The following SCCPDH variants were observed in gnomAD, a reference collection of about 807,000 sequenced individuals.
SCCPDH encodes saccharopine dehydrogenase-like oxidoreductase.
Under a neutral mutation model 51.5 loss-of-function variants are expected in SCCPDH, and 34 were observed. That is an observed-to-expected ratio of 0.66 (90% CI 0.50 to 0.88). SCCPDH has a LOEUF of 0.88. SCCPDH is among the 40% of genes least tolerant of loss of function. The pLI, the probability that SCCPDH is intolerant of heterozygous loss-of-function variation, is 0.00. For synonymous variants in SCCPDH, 187 were observed against 191.3 expected (o/e 0.98, Z 0.19); for missense variants, 464 against 527.1 (o/e 0.88, Z 1.17).
rs567611525 is a variant in SCCPDH, at chr1:246,764,434, T to C, written c.1102+77T>C. ...TAAAGTACAATGCCATTACAATATA[T>C]TCTTTTTAAAGCTTAATTGTTTTAG... On this transcript the variant is annotated intron_variant, in intron 10 of 11. Transcript: ENST00000366510. 2.2e-3 allele frequency: 1,584 copies of C among 713,922 alleles called. 13 individuals carry two copies. The highest frequency in any genetic ancestry group is 0.015 in the South Asian group (686 of 44,822). 44.2% of individuals were successfully genotyped at this position (713,922 alleles called of 1,614,324 possible). A position where few individuals can be genotyped will look rare whatever the true frequency, so the allele number is the denominator to read the frequency against.
intron 5 of SCCPDH, among the ~76,000 whole-genome samples, chr1:246,747,964 G>C (rs1668786490): frequency 6.6e-6 from 1 of 152,142 alleles, no homozygotes; most frequent in Non-Finnish European, 1.5e-5. Context: ...TCTTTGGAGA[G>C]GATCTCAGGA....
rs947339679 is a variant in SCCPDH, at chr1:246,732,486, C to T, written c.304-3489C>T. On this transcript the variant is annotated intron_variant, in intron 2 of 11. Transcript: ENST00000366510. ...CACTGCAACCTCCACCTCCCGGGTT[C>T]AAGCAATTCTCCTGTCTCAGCCTCC... Among the ~76,000 whole-genome samples, 4 of 152,024 alleles carry T rather than the reference C, an allele frequency of 2.6e-5. No individual in the cohort carries two copies. In the South Asian group the frequency reaches 8.3e-4, roughly 32 times the overall value.
chr1:246,744,229 G>A (rs1019733374), intron 5 of SCCPDH, 104 bp downstream of exon 5: 18 of 527,480 alleles, frequency 3.4e-5, no homozygotes, highest in Non-Finnish European at 5.0e-5. Context: ...ATGTGTGAAA[G>A]TCACCATGTT....
rs1668410752 is a variant in SCCPDH, at chr1:246,727,018, CCTT to C, written c.303+18_303+20del. 1 of 1,502,994 alleles carries C rather than the reference CCTT, an allele frequency of 6.7e-7. No homozygotes were observed. Among genetic ancestry groups the C allele is most frequent in the Non-Finnish European group, 9.3e-7 (1 of 1,079,104 alleles). The allele number at this position is 1,502,994 out of a possible 1,614,324, so 93.1% of individuals were successfully genotyped here. The stretch of plus-strand genomic sequence containing the variant: ...TGCGTAGGACCAGTAAGTAATCAAC[CCTT>C]CTTTGTATCAGAACAAACAATCCAT... On this transcript the variant is annotated intron_variant, in intron 2 of 11. Transcript: ENST00000366510.
In SCCPDH at chr1:246,736,016, A is replaced by C; in HGVS notation, c.345A>C (p.Glu115Asp). ...AACCTGTAATAAAAGCATGTATTGA[A>C]AATGGAGCCAGTTGTATCGACATCA... ...YGEPVIKACI[E>D]NGASCIDISG... is the part of the protein sequence containing the mutation. The change falls in exon 3 of 12, where the codon GAA (glutamate) becomes GAC (aspartate). Residue 115 changes from glutamate (E) to aspartate (D), a missense_variant. By Grantham distance (45) the Glu-to-Asp change is conservative (BLOSUM62 2). Coordinates refer to ENST00000366510, the MANE Select transcript of SCCPDH (RefSeq NM_016002.3). 1 of 1,613,290 alleles carries C rather than the reference A, an allele frequency of 6.2e-7. No individual in the cohort carries two copies. Among genetic ancestry groups the C allele is most frequent in the Non-Finnish European group, 8.5e-7 (1 of 1,179,326 alleles).
chr1:246,762,417 C>T lies in SCCPDH; in HGVS notation c.991-1829C>T, dbSNP rs534107631. ...ACTTTTCGTAGCATTCCTACGGTTT[C>T]TTTCTAATCTGTCTTCCCACTGCTG... On this transcript the variant is annotated intron_variant, in intron 9 of 11. Coordinates refer to ENST00000366510, the MANE Select transcript of SCCPDH (RefSeq NM_016002.3). Among the ~76,000 whole-genome samples, 119 of 152,316 alleles carry T rather than the reference C, an allele frequency of 7.8e-4. 3 individuals carry two copies. In the South Asian group the frequency reaches 0.023, roughly 29 times the overall value.
Position 246,739,025 on chromosome 1 carries a change from TTGTG to T in SCCPDH, c.385-1142_385-1139del, listed in dbSNP as rs563225370. Among the ~76,000 whole-genome samples, 216 of 152,152 alleles carry T rather than the reference TTGTG, an allele frequency of 1.4e-3. 1 individual carries two copies. The highest frequency in any genetic ancestry group is 1.8e-3 in the Admixed American group (28 of 15,248). On this transcript the variant is annotated intron_variant, in intron 3 of 11. Transcript: ENST00000366510. The stretch of plus-strand genomic sequence containing the variant: ...ACTATGTTAGTGTGACTTAATGTGT[TTGTG>T]TGTGCATGAGCAAGTGTGTGTGTGT...
chr1:246,739,837 A>G (rs537581141), intron 3 of SCCPDH, among the ~76,000 whole-genome samples: 13 of 151,894 alleles, frequency 8.6e-5, no homozygotes, highest in Non-Finnish European at 1.6e-4. Context: ...GATGATGTTC[A>G]TCTGGGTAAT....
At chr1:246,756,103 A>C (rs1668926656) in intron 5 of SCCPDH, among the ~76,000 whole-genome samples, 1 of 152,220 alleles carries the variant, frequency 6.6e-6, no homozygotes, top group Non-Finnish European at 1.5e-5. Flanking sequence ...AAAATTGAGA[A>C]TGTTTCCCAA....
chr1:246,744,868 T>C (rs977592371), intron 5 of SCCPDH, among the ~76,000 whole-genome samples: 1 of 151,882 alleles, frequency 6.6e-6, no homozygotes, highest in African/African-American at 2.4e-5. Context: ...TCAAGTGATC[T>C]GCCCACCTTG....
chr1:246,745,977 A>C (rs900875099), intron 5 of SCCPDH, among the ~76,000 whole-genome samples: 5 of 151,928 alleles, frequency 3.3e-5, no homozygotes, highest in Non-Finnish European at 5.9e-5. Flanking sequence ...GCGTGGTGGC[A>C]GGCACCTGTA....
At chr1:246,749,699 A>C (rs1362226715) in intron 5 of SCCPDH, among the ~76,000 whole-genome samples, 2 of 152,204 alleles carry the variant, frequency 1.3e-5, no homozygotes, top group African/African-American at 4.8e-5. Context: ...GCATCGGACA[A>C]ATTTCGGCAG....
intron 10 of SCCPDH, among the ~76,000 whole-genome samples, chr1:246,764,725 C>T (rs1434711428): frequency 1.3e-5 from 2 of 152,116 alleles, no homozygotes; most frequent in African/African-American, 4.8e-5. Context: ...CTCTGAACAC[C>T]CTGACATTGT....
intron 4 of SCCPDH, among the ~76,000 whole-genome samples, chr1:246,741,390 G>C (rs1449327390): frequency 6.6e-6 from 1 of 151,212 alleles, no homozygotes; most frequent in Non-Finnish European, 1.5e-5. Context: ...ACGAATGCCT[G>C]GGCTCAGGCA....
intron 2 of SCCPDH, among the ~76,000 whole-genome samples, chr1:246,733,504 A>ACT (rs890577834): frequency 2.0e-5 from 3 of 151,026 alleles, no homozygotes; most frequent in Non-Finnish European, 4.4e-5. Context: ...ACACACACAC[A>ACT]CACACACACT....
intron 5 of SCCPDH, among the ~76,000 whole-genome samples, chr1:246,744,514 T>C (rs984658300): frequency 1.5e-4 from 23 of 151,832 alleles, no homozygotes; most frequent in African/African-American, 5.6e-4. Context: ...AGAGACGGGG[T>C]TTCTCCATGT....
chr1:246,748,025 T>C (rs2102986472), intron 5 of SCCPDH, among the ~76,000 whole-genome samples: 1 of 152,278 alleles, frequency 6.6e-6, no homozygotes, highest in South Asian at 2.1e-4. Flanking sequence ...AGGAATTTAT[T>C]CTATCCTACA....
Position 246,766,094 on chromosome 1 carries a change from A to C in SCCPDH, c.1139A>C (p.Gln380Pro), listed in dbSNP as rs755643788. ...GTGGCTACCCCCATAGCTATGGTTCAGGCAGCCATGACTCTTCTAAGTGAT... is the reference window on the plus strand; with the variant it reads ...GTGGCTACCCCCATAGCTATGGTTCCGGCAGCCATGACTCTTCTAAGTGAT... ...GYVATPIAMV[Q>P]AAMTLLSDAS... The change falls in exon 11 of 12, where the codon CAG becomes CCG. Residue 380 changes from glutamine (Q) to proline (P), a missense_variant. Transcript: ENST00000366510. 4 of 1,613,622 alleles carry C rather than the reference A, an allele frequency of 2.5e-6. No individual in the cohort carries two copies. Among genetic ancestry groups the C allele is most frequent in the Non-Finnish European group, 1.7e-6 (2 of 1,179,758 alleles).
At chr1:246,736,222 G>A (rs554860779) in intron 3 of SCCPDH, among the ~76,000 whole-genome samples, 167 bp downstream of exon 3, 1 of 152,306 alleles carries the variant, frequency 6.6e-6, no homozygotes, top group Non-Finnish European at 1.5e-5. Context: ...AAAGGAGAGC[G>A]CTGATGGTAA....
Sources: gnomAD v4.1 joint callset for allele counts (sites outside exome capture counted in the v4.1 genomes callset) on GRCh38, gnomAD v4.1.1 for gene constraint, MANE v1.5 for transcripts, NCBI Gene and HGNC (gene_info 2026-07-23, HGNC 2026-07-21) for gene names.